Variants in AP4E1 observed in about 807,000 individuals in gnomAD.
The protein encoded by AP4E1 is adaptor related protein complex 4 subunit epsilon 1, also known as AP-4 complex subunit epsilon-1.
Under a neutral mutation model 128.2 loss-of-function variants are expected in AP4E1, and 56 were observed. The observed-to-expected ratio is 0.44, with a 90% CI of 0.35 to 0.55. AP4E1 has a LOEUF of 0.55. AP4E1 is among the 20% of genes least tolerant of loss of function. The pLI is 0.00. For synonymous variants in AP4E1, 484 were observed against 473.1 expected (o/e 1.02, Z -0.30); for missense variants, 1,324 against 1,307.7 (o/e 1.01, Z -0.19).
intron 17 of AP4E1, among the ~76,000 whole-genome samples, chr15:50,995,346 C>T (rs1190208159): frequency 1.3e-5 from 2 of 150,080 alleles, no homozygotes; most frequent in African/African-American, 4.9e-5. Flanking sequence ...TTTTATATCA[C>T]TTTAGAAAGG....
At chr15:50,912,737 ACTGCAACCT>A (rs1402017576) in intron 2 of AP4E1, among the ~76,000 whole-genome samples, 2 of 150,422 alleles carry the variant, frequency 1.3e-5, no homozygotes, top group African/African-American at 4.9e-5. Flanking sequence ...ATCTCAGCTC[ACTGCAACCT>A]CTGCCTCCTG....
intron 10 of AP4E1, among the ~76,000 whole-genome samples, chr15:50,943,052 C>G (rs1345522672): frequency 6.6e-6 from 1 of 152,056 alleles, no homozygotes; most frequent in African/African-American, 2.4e-5. Flanking sequence ...CTCCTGCCCT[C>G]CCTGCCTGCT....
chr15:50,984,195 T>A, intron 16 of AP4E1, 50 bp downstream of exon 16: 1 of 1,605,574 alleles, frequency 6.2e-7, no homozygotes, highest in South Asian at 1.1e-5. Context: ...CTTAAATGTC[T>A]TTTAGCGTTC....
chr15:50,957,377 TC>T (rs980133450), intron 13 of AP4E1, among the ~76,000 whole-genome samples: 1 of 152,136 alleles, frequency 6.6e-6, no homozygotes, highest in Non-Finnish European at 1.5e-5. Context: ...CTCTCTGACA[TC>T]CAGCTGCTTC....
chr15:50,931,124 T>C (rs1204402530), intron 7 of AP4E1, among the ~76,000 whole-genome samples, 153 bp downstream of exon 7: 3 of 152,200 alleles, frequency 2.0e-5, no homozygotes, highest in African/African-American at 7.2e-5. Context: ...ATCACATAAA[T>C]GCTTTCAGGT....
At chr15:50,925,245 A>ATC (rs767313418) in intron 5 of AP4E1, 26 bp downstream of exon 5, 1 of 1,600,874 alleles carries the variant, frequency 6.2e-7, no homozygotes, top group Non-Finnish European at 8.6e-7. Context: ...TGGGATAGGC[A>ATC]TCTATGCCAT....
chr15:50,945,018 T>G, intron 10 of AP4E1: 1 of 773,636 alleles, frequency 1.3e-6, no homozygotes, highest in Non-Finnish European at 2.4e-6. Context: ...TACTCACTTT[T>G]GTGGGACTTC....
intron 20 of AP4E1, among the ~76,000 whole-genome samples, chr15:51,002,033 C>T (rs1462784484): frequency 6.6e-6 from 1 of 152,070 alleles, no homozygotes; most frequent in African/African-American, 2.4e-5. Context: ...TGTGTGGCAC[C>T]ATGCTCAGCT....
At chr15:50,998,779 T>C (rs914962316) in intron 18 of AP4E1, among the ~76,000 whole-genome samples, 3 of 152,196 alleles carry the variant, frequency 2.0e-5, no homozygotes, top group Non-Finnish European at 4.4e-5. Flanking sequence ...TTTTAAAAAT[T>C]ATTTGAAAAC....
chr15:50,960,819 CA>C lies in AP4E1; in HGVS notation c.1851+2035del, dbSNP rs536776261. 3.1e-3 allele frequency among the ~76,000 whole-genome samples: 412 copies of C among 133,536 alleles called. 2 individuals carry two copies. Among genetic ancestry groups the C allele is most frequent in the African/African-American group, 9.6e-3 (351 of 36,400 alleles). The allele number at this position is 133,536 out of a possible 152,430, so 87.6% of individuals were successfully genotyped here. ...ACAAAATGGAGACGTAAAAAAGATA[CA>C]AAAAAAAAAGAGACAAAAAGTTGGT... is the stretch of plus-strand genomic sequence containing the variant. On this transcript the variant is annotated intron_variant, in intron 14 of 20. Transcript: ENST00000261842.
intron 15 of AP4E1, among the ~76,000 whole-genome samples, chr15:50,972,233 A>G (rs1341534289): frequency 6.6e-6 from 1 of 151,910 alleles, no homozygotes; most frequent in African/African-American, 2.4e-5. Context: ...TTCTTTTGAG[A>G]AGGAGTCTCG....
rs1234764249 is a variant in AP4E1 at position 50,997,308 on chromosome 15, T to A, written c.2347-18T>A. On this transcript the variant is annotated intron_variant, in intron 17 of 20. Transcript: ENST00000261842. ...GTAGAATGATTTCTTTTTATATTAT[T>A]ATGTTTTATTTTTGCAGCTGGGAAA... is the stretch of plus-strand genomic sequence containing the variant. The A allele has an allele frequency of 6.4e-7, 1 of 1,568,294 alleles. No individual in the cohort carries two copies. Among genetic ancestry groups the A allele is most frequent in the Non-Finnish European group, 8.6e-7 (1 of 1,163,156 alleles).
intron 15 of AP4E1, 141 bp from the exon 16 acceptor site, chr15:50,983,881 A>T: frequency 1.4e-6 from 1 of 733,360 alleles, no homozygotes; most frequent in Non-Finnish European, 2.2e-6. Flanking sequence ...TAAGTATTTG[A>T]TTAGATCATC....
In AP4E1 at chr15:50,915,675, T is replaced by C. The variant is rs952795476; in HGVS notation, c.346+104T>C. 4 of 1,331,142 alleles carry C rather than the reference T, an allele frequency of 3.0e-6. No individual in the cohort carries two copies. In the South Asian group the frequency reaches 5.1e-5, roughly 17 times the overall value. The allele number at this position is 1,331,142 out of a possible 1,614,324, so 82.5% of individuals were successfully genotyped here. ...TGTATATAGTATGTTTTTAGAATAC[T>C]GTATTATAATTTCTAAAACTTTAAA... On this transcript the variant is annotated intron_variant, in intron 3 of 20. Coordinates refer to ENST00000261842, the MANE Select transcript of AP4E1 (RefSeq NM_007347.5).
intron 16 of AP4E1, among the ~76,000 whole-genome samples, chr15:50,987,634 G>A (rs779048027): frequency 6.6e-6 from 1 of 152,166 alleles, no homozygotes; most frequent in East Asian, 1.9e-4. Context: ...TCTTAATCCT[G>A]AGTTCTAGTT....
chr15:50,933,062 AACTC>A (rs759888169), intron 7 of AP4E1, among the ~76,000 whole-genome samples: 11 of 152,198 alleles, frequency 7.2e-5, no homozygotes, highest in Non-Finnish European at 1.6e-4. Context: ...TAAATTCATT[AACTC>A]ACTATCTTCC....
At chr15:50,907,869 G>A (rs764592949), upstream of AP4E1, among the ~76,000 whole-genome samples, 3 of 152,160 alleles carry the variant, frequency 2.0e-5, no homozygotes, top group Non-Finnish European at 4.4e-5. Flanking sequence ...GATAAAAGAC[G>A]GAGCAATCGG....
intron 2 of AP4E1, among the ~76,000 whole-genome samples, chr15:50,914,498 A>T (rs1400846149): frequency 6.6e-6 from 1 of 151,964 alleles, no homozygotes; most frequent in East Asian, 1.9e-4. Flanking sequence ...TAAATATACA[A>T]AAATTAGATG....
At position 50,937,919 on chromosome 15, in the gene AP4E1, G is replaced by A. The variant is rs192511342; in HGVS notation, c.943+3222G>A. On this transcript the variant is annotated intron_variant, in intron 8 of 20. Coordinates refer to ENST00000261842, the MANE Select transcript of AP4E1 (RefSeq NM_007347.5). Reference sequence around the variant, plus strand: ...AATCCGGAGGTATGGAAGGTTTTTGGATAAGGTACTGATAACATGAGAATA... The same window carrying A: ...AATCCGGAGGTATGGAAGGTTTTTGAATAAGGTACTGATAACATGAGAATA... 7.7e-4 allele frequency among the ~76,000 whole-genome samples: 117 copies of A among 152,278 alleles called. 2 individuals are homozygous for A. The highest frequency in any genetic ancestry group is 4.3e-3 in the Admixed American group (66 of 15,292).
Sources: allele counts gnomAD v4.1 joint callset (sites outside exome capture counted in the v4.1 genomes callset), GRCh38; gene constraint gnomAD v4.1.1; transcripts MANE v1.5; gene names NCBI Gene and HGNC (gene_info 2026-07-23, HGNC 2026-07-21).